TRPM3: variants seen among roughly 807,000 people sequenced by gnomAD.
TRPM3 encodes the protein transient receptor potential cation channel subfamily M member 3, also known as long transient receptor potential channel 3.
Under a neutral mutation model 181.2 loss-of-function variants are expected in TRPM3, and 77 were observed. The observed-to-expected ratio is 0.42, with a 90% CI of 0.35 to 0.51. TRPM3 has a LOEUF of 0.51. TRPM3 is among the 20% of genes least tolerant of loss of function. The pLI, the probability that TRPM3 is intolerant of heterozygous loss-of-function variation, is 0.01. For missense variants in TRPM3, 1,759 were observed against 2,196.7 expected, an observed-to-expected ratio of 0.80 and a Z score of 3.98; for synonymous variants, 745 against 796.4, an observed-to-expected ratio of 0.94 and a Z score of 1.09.
At chr9:70,814,617 T>TTCTCTCTAATGTC (rs1057480667) in intron 6 of TRPM3, among the ~76,000 whole-genome samples, 1 of 152,144 alleles carries the variant, frequency 6.6e-6, no homozygotes, top group African/African-American at 2.4e-5. Context: ...GAAAATACTG[T>TTCTCTCTAATGTC]TCTCTCTAAT....
chr9:71,186,685 A>T (rs1001657365), intron 1 of TRPM3, among the ~76,000 whole-genome samples: 4 of 152,114 alleles, frequency 2.6e-5, no homozygotes, highest in Admixed American at 2.6e-4. Context: ...TTAGAAATAT[A>T]TTAGAAACAA....
At chr9:71,320,736 C>G (rs1490789740) in intron 1 of TRPM3, among the ~76,000 whole-genome samples, 1 of 152,070 alleles carries the variant, frequency 6.6e-6, no homozygotes, top group Non-Finnish European at 1.5e-5. Context: ...AACTCCAACC[C>G]AGATCTCCCC....
At chr9:71,249,157 G>T (rs1426203192) in intron 1 of TRPM3, among the ~76,000 whole-genome samples, 5 of 152,078 alleles carry the variant, frequency 3.3e-5, no homozygotes, top group African/African-American at 1.2e-4. Context: ...TGAAAGTATG[G>T]TCACCCAAAA....
chr9:70,748,579 G>A (rs534449551), intron 8 of TRPM3, among the ~76,000 whole-genome samples: 10 of 152,198 alleles, frequency 6.6e-5, no homozygotes, highest in African/African-American at 2.2e-4. Flanking sequence ...TAGGTCCTGA[G>A]GTCTTTGCCC....
At chr9:71,445,302 G>A (rs1410152469) in intron 1 of TRPM3, among the ~76,000 whole-genome samples, 1 of 152,126 alleles carries the variant, frequency 6.6e-6, no homozygotes. Context: ...AAAAACAGAT[G>A]TCATGAATTT....
chr9:71,257,322 G>A (rs1389533294), intron 1 of TRPM3, among the ~76,000 whole-genome samples: 2 of 152,140 alleles, frequency 1.3e-5, no homozygotes. Context: ...GGTTGGTAGA[G>A]TGTAAAGAAG....
chr9:70,635,202 G>A lies in TRPM3; in HGVS notation c.1632+9C>T, dbSNP rs773027140. 2.5e-6 allele frequency: 4 copies of A among 1,613,566 alleles called. No individual in the cohort carries two copies. In the South Asian group the frequency reaches 4.4e-5, roughly 18 times the overall value. Reference sequence around the variant, plus strand: ...AGGGCCTCCGACCTGCAGTCGAGAGGGTTCTTACCTTTTTGACATCCCTGA... The same window carrying A: ...AGGGCCTCCGACCTGCAGTCGAGAGAGTTCTTACCTTTTTGACATCCCTGA... On this transcript the variant is annotated intron_variant, in intron 12 of 25. Coordinates refer to ENST00000677713, the MANE Select transcript of TRPM3 (RefSeq NM_001366145.2).
At chr9:70,648,968 T>C (rs1345075458) in intron 9 of TRPM3, among the ~76,000 whole-genome samples, 2 of 151,992 alleles carry the variant, frequency 1.3e-5, no homozygotes, top group Non-Finnish European at 1.5e-5. Flanking sequence ...CAAAAGCAAT[T>C]GCAACAAAAC....
At chr9:71,092,249 G>A (rs557787195) in intron 1 of TRPM3, among the ~76,000 whole-genome samples, 21 of 152,142 alleles carry the variant, frequency 1.4e-4, no homozygotes, top group Non-Finnish European at 2.6e-4. Flanking sequence ...CCTAATCCCA[G>A]AGCTCTATTC....
At position 70,932,224 on chromosome 9, in the gene TRPM3, T is replaced by A. The variant is rs1269149836; in HGVS notation, c.178-67713A>T. On this transcript the variant is annotated intron_variant, in intron 1 of 25. Coordinates refer to ENST00000677713, the MANE Select transcript of TRPM3 (RefSeq NM_001366145.2). ...ATTACATTATTGCCAGCCTTCCTCTTGGAGCTACTGTTTTTTCTTTAGACT... is the reference window on the plus strand; with the variant it reads ...ATTACATTATTGCCAGCCTTCCTCTAGGAGCTACTGTTTTTTCTTTAGACT... 2.6e-5 allele frequency among the ~76,000 whole-genome samples: 4 copies of A among 152,152 alleles called. No homozygotes were observed. The East Asian group carries it at 7.7e-4, about 29-fold the overall frequency.
chr9:70,894,377 C>G (rs2096253203), intron 1 of TRPM3, among the ~76,000 whole-genome samples: 1 of 152,142 alleles, frequency 6.6e-6, no homozygotes, highest in African/African-American at 2.4e-5. Flanking sequence ...CCCAAGGGAC[C>G]ATCGGGCATT....
chr9:70,626,238 T>C (rs2064571350), intron 12 of TRPM3, among the ~76,000 whole-genome samples: 1 of 152,090 alleles, frequency 6.6e-6, no homozygotes, highest in South Asian at 2.1e-4. Context: ...CAAGGGAGAG[T>C]TAGTTCCATT....
At position 71,099,945 on chromosome 9, in the gene TRPM3, C is replaced by T. The variant is rs976340709; in HGVS notation, c.177+21233G>A. On this transcript the variant is annotated intron_variant, in intron 1 of 25. Coordinates refer to ENST00000677713, the MANE Select transcript of TRPM3 (RefSeq NM_001366145.2). ...CTATGATATCCTACCTCCCTATTGACGTATACTGATTGTTTTATGTGTTTG... is the reference window on the plus strand; with the variant it reads ...CTATGATATCCTACCTCCCTATTGATGTATACTGATTGTTTTATGTGTTTG... 5.9e-5 allele frequency among the ~76,000 whole-genome samples: 9 copies of T among 152,010 alleles called. No individual in the cohort carries two copies. In the East Asian group the frequency reaches 1.2e-3, roughly 20 times the overall value.
rs148438328 is a variant in TRPM3, at chr9:71,078,074, C to T, written c.177+43104G>A. On this transcript the variant is annotated intron_variant, in intron 1 of 25. Transcript: ENST00000677713. ...GAAAATCATCATACACATATATGTG[C>T]GCTTGTGGGCAAAAACATACTTGGG... 2.8e-4 allele frequency among the ~76,000 whole-genome samples: 43 copies of T among 151,960 alleles called. No individual in the cohort carries two copies. The East Asian group carries it at 7.0e-3, about 25-fold the overall frequency.
chr9:70,980,904 A>G (rs2097357268), intron 1 of TRPM3, among the ~76,000 whole-genome samples: 1 of 152,094 alleles, frequency 6.6e-6, no homozygotes, highest in South Asian at 2.1e-4. Flanking sequence ...ATCCTCTCCT[A>G]TGTTTTAGGA....
chr9:70,625,053 ACTTTT>A lies in TRPM3; in HGVS notation c.1809+133_1809+137del, dbSNP rs2064292578. 6 of 966,154 alleles carry A rather than the reference ACTTTT, an allele frequency of 6.2e-6. No homozygotes were observed. The highest frequency in any genetic ancestry group is 8.7e-6 in the Non-Finnish European group (6 of 689,178). 59.8% of individuals were successfully genotyped at this position (966,154 alleles called of 1,614,324 possible). A position where few individuals can be genotyped will look rare whatever the true frequency, so the allele number is the denominator to read the frequency against. Reference sequence around the variant, plus strand: ...TGATAAGATTAATTTGAATTTCATTACTTTTCTTTGATTGTTTAGGTTCACTCTCA... The same window carrying A: ...TGATAAGATTAATTTGAATTTCATTACTTTGATTGTTTAGGTTCACTCTCA... On this transcript the variant is annotated intron_variant, in intron 14 of 25. Coordinates refer to ENST00000677713, the MANE Select transcript of TRPM3 (RefSeq NM_001366145.2). This position sits in a 1 kb window ranked among gnomAD's most constrained non-coding sequence, Gnocchi z 4.8.
intron 9 of TRPM3, among the ~76,000 whole-genome samples, chr9:70,677,179 C>A (rs1260671773): frequency 6.6e-6 from 1 of 152,140 alleles, no homozygotes; most frequent in Non-Finnish European, 1.5e-5. Flanking sequence ...TGTCGGCTTA[C>A]CATTGCCATG....
intron 1 of TRPM3, among the ~76,000 whole-genome samples, chr9:70,980,554 G>A (rs566872867): frequency 6.6e-6 from 1 of 152,058 alleles, no homozygotes; most frequent in Non-Finnish European, 1.5e-5. Context: ...GCTGCTCCCC[G>A]GGGTTCTGAG....
chr9:71,433,746 T>C (rs1247937134), intron 1 of TRPM3, among the ~76,000 whole-genome samples: 1 of 152,244 alleles, frequency 6.6e-6, no homozygotes, highest in African/African-American at 2.4e-5. Flanking sequence ...TATATCTCTC[T>C]GACTTTTGAC....
Sources: allele counts gnomAD v4.1 joint callset (sites outside exome capture counted in the v4.1 genomes callset), GRCh38; gene constraint gnomAD v4.1.1; non-coding constraint Gnocchi (gnomAD v3.1); transcripts MANE v1.5; gene names NCBI Gene and HGNC (gene_info 2026-07-23, HGNC 2026-07-21).